Variants in ZNF428 observed in about 807,000 individuals in gnomAD.
ZNF428 encodes the protein zinc finger protein 428.
ZNF428 carries 5 observed loss-of-function variants against 15.6 expected under a neutral mutation model. That is an observed-to-expected ratio of 0.32 (90% CI 0.17 to 0.67). The LOEUF (loss-of-function observed/expected upper bound fraction) is 0.67, where lower values mean the gene tolerates loss of function less well. Among genes scored for constraint, ZNF428 ranks in the 30% least tolerant of loss-of-function variants. ZNF428 has a pLI of 0.73. For synonymous variants in ZNF428, 97 were observed against 102.2 expected, an observed-to-expected ratio of 0.95 and a Z score of 0.31; for missense variants, 237 against 256.0, an observed-to-expected ratio of 0.93 and a Z score of 0.51.
chr19:43,615,041 C>T lies in ZNF428; in HGVS notation c.-130-607G>A, dbSNP rs137974660. 3.1e-3 allele frequency among the ~76,000 whole-genome samples: 473 copies of T among 152,148 alleles called. 4 individuals are homozygous for T. Among genetic ancestry groups the T allele is most frequent in the African/African-American group, 0.01 (429 of 41,506 alleles). On this transcript the variant is annotated intron_variant, in intron 1 of 2. Coordinates refer to ENST00000300811, the MANE Select transcript of ZNF428 (RefSeq NM_182498.4). The stretch of plus-strand genomic sequence containing the variant: ...AATCAGAACTGAGAGTGGAGCGGGA[C>T]GGATACCAGGCCTTAACCCTTTAGT...
Position 43,607,536 on chromosome 19 carries a change from A to T in ZNF428, c.*81T>A. ...GACCGGCAGTACCCCATCCCCCATG[A>T]CCACTGTCACAACCCCAATTTCCTC... On this transcript the variant is annotated 3_prime_UTR_variant, in exon 3 of 3. Transcript: ENST00000300811. This position sits in a 1 kb window ranked among gnomAD's most constrained non-coding sequence, Gnocchi z 5.1. 6 of 1,462,410 alleles carry T rather than the reference A, an allele frequency of 4.1e-6. No homozygotes were observed. The highest frequency in any genetic ancestry group is 1.4e-5 in the African/African-American group (1 of 70,772). 90.6% of individuals were successfully genotyped at this position (1,462,410 alleles called of 1,614,324 possible).
Position 43,612,014 on chromosome 19 carries a change from T to C in ZNF428, c.76+2215A>G. On this transcript the variant is annotated intron_variant, in intron 2 of 2. Coordinates refer to ENST00000300811, the MANE Select transcript of ZNF428 (RefSeq NM_182498.4). This position sits in a 1 kb window ranked among gnomAD's most constrained non-coding sequence, Gnocchi z 4.2. ...CCTCCAGAGTCTTCAATGCCCACTA[T>C]TACTTCACACAGTTGGCCTGTGACA... 1 of 830,400 alleles carries C rather than the reference T, an allele frequency of 1.2e-6. No individual in the cohort carries two copies. Among genetic ancestry groups the C allele is most frequent in the South Asian group, 1.7e-5 (1 of 59,412 alleles). 51.4% of individuals were successfully genotyped at this position (830,400 alleles called of 1,614,324 possible).
rs1361377146 is a variant in ZNF428, at chr19:43,612,602, C to T, written c.76+1627G>A. On this transcript the variant is annotated intron_variant, in intron 2 of 2. Coordinates refer to ENST00000300811, the MANE Select transcript of ZNF428 (RefSeq NM_182498.4). This position sits in a 1 kb window ranked among gnomAD's most constrained non-coding sequence, Gnocchi z 4.2. Reference sequence around the variant, plus strand: ...AGGCATGGCCAGCAGGGTGAGAACTCCCACTTCACAGCAAAAAGGGAGCCG... The same window carrying T: ...AGGCATGGCCAGCAGGGTGAGAACTTCCACTTCACAGCAAAAAGGGAGCCG... 1 of 1,551,558 alleles carries T rather than the reference C, an allele frequency of 6.4e-7. No individual in the cohort carries two copies. The highest frequency in any genetic ancestry group is 2.0e-5 in the Admixed American group (1 of 50,992).
At position 43,614,390 on chromosome 19, in the gene ZNF428, G is replaced by T; in HGVS notation, c.-86C>A. On this transcript the variant is annotated 5_prime_UTR_variant, in exon 2 of 3. Coordinates refer to ENST00000300811, the MANE Select transcript of ZNF428 (RefSeq NM_182498.4). ...CCAGCTCTCCACAGCCACACCTCCG[G>T]CCACAAGTTCTCTAATACAGGATGT... 1.3e-6 allele frequency: 2 copies of T among 1,506,000 alleles called. No homozygotes were observed. The highest frequency in any genetic ancestry group is 2.7e-5 in the South Asian group (2 of 73,748). 93.3% of individuals were successfully genotyped at this position (1,506,000 alleles called of 1,614,324 possible). A position where few individuals can be genotyped will look rare whatever the true frequency, so the allele number is the denominator to read the frequency against.
rs754077219 is a variant in ZNF428 at position 43,607,708 on chromosome 19, CCCTCCTCCTCCTCTT to C, written c.461_475del (p.Glu154_Glu158del). 1.5e-5 allele frequency: 25 copies of C among 1,613,794 alleles called. No individual in the cohort carries two copies. Among genetic ancestry groups the C allele is most frequent in the African/African-American group, 2.7e-5 (2 of 74,920 alleles). On this transcript the variant is annotated inframe_deletion, in exon 3 of 3. Transcript: ENST00000300811. The surrounding 1 kb of genome is among the most constrained non-coding windows in gnomAD (Gnocchi z 5.1). ...CTCACATTCCGTACAGTGGTAGGTT[CCCTCCTCCTCCTCTT>C]CCTCCTCCTCCTCCCGCCCAGCTGG... is the stretch of plus-strand genomic sequence containing the variant.
chr19:43,617,963 G>A (rs1180752999), intron 1 of ZNF428, among the ~76,000 whole-genome samples: 1 of 150,732 alleles, frequency 6.6e-6, no homozygotes, highest in Non-Finnish European at 1.5e-5. Context: ...CTGGGTTCAA[G>A]CGATTATCCT....
chr19:43,611,865 A>G (rs1303423765), intron 2 of ZNF428, among the ~76,000 whole-genome samples: 1 of 152,194 alleles, frequency 6.6e-6, no homozygotes, highest in African/African-American at 2.4e-5. Flanking sequence ...GTCCCCAGCA[A>G]TGCTGGGCAT....
In ZNF428 at chr19:43,614,308, C is replaced by T. The variant is rs374830755; in HGVS notation, c.-4G>A. 3.7e-5 allele frequency: 59 copies of T among 1,601,388 alleles called. No homozygotes were observed. Among genetic ancestry groups the T allele is most frequent in the Non-Finnish European group, 4.6e-5 (54 of 1,173,454 alleles). On this transcript the variant is annotated 5_prime_UTR_variant, in exon 2 of 3. Transcript: ENST00000300811. ...CTGGCTCACGGGTCTCTGTCATGAC[C>T]GGGGGAGGGGACAGGAGACAGGAGC...
rs1973304205 is a variant in ZNF428, at chr19:43,612,153, G to A, written c.76+2076C>T. On this transcript the variant is annotated intron_variant, in intron 2 of 2. Coordinates refer to ENST00000300811, the MANE Select transcript of ZNF428 (RefSeq NM_182498.4). The surrounding 1 kb of genome is among the most constrained non-coding windows in gnomAD (Gnocchi z 4.2). ...TCACCTAAGAGATCTTCAAAGCCCA[G>A]TATGTCTCTGGCACCCAGTGGATCC... 3.2e-6 allele frequency: 5 copies of A among 1,551,690 alleles called. No individual in the cohort carries two copies. The East Asian group carries it at 1.2e-4, about 38-fold the overall frequency.
At chr19:43,615,151 C>T (rs774830019) in intron 1 of ZNF428, among the ~76,000 whole-genome samples, 5 of 152,122 alleles carry the variant, frequency 3.3e-5, no homozygotes, top group Non-Finnish European at 7.4e-5. Flanking sequence ...TACTCTCACA[C>T]TATCACAACA....
At chr19:43,615,680 T>C (rs764982608) in intron 1 of ZNF428, among the ~76,000 whole-genome samples, 7 of 152,126 alleles carry the variant, frequency 4.6e-5, no homozygotes, top group Non-Finnish European at 8.8e-5. Context: ...CACTCAAGCC[T>C]GGATGACCCA....
rs1254367102 is a variant in ZNF428 at position 43,613,098 on chromosome 19, T to C, written c.76+1131A>G. 16 of 1,551,324 alleles carry C rather than the reference T, an allele frequency of 1.0e-5. No homozygotes were observed. In the East Asian group the frequency reaches 3.2e-4, roughly 31 times the overall value. ...ACCCGGAAGGGAATTCTGAGCCAGA[T>C]GGGAAGACACAGCCAGTCTAGAAGC... On this transcript the variant is annotated intron_variant, in intron 2 of 2. Transcript: ENST00000300811.
At position 43,612,386 on chromosome 19, in the gene ZNF428, A is replaced by G; in HGVS notation, c.76+1843T>C. On this transcript the variant is annotated intron_variant, in intron 2 of 2. Transcript: ENST00000300811. The surrounding 1 kb of genome is among the most constrained non-coding windows in gnomAD (Gnocchi z 4.2). ...CAGGTCCCGAGTCCGCAGCAAAGCA[A>G]GAACACCCAGCAGGGTGAGCACCGA... 6.4e-7 allele frequency: 1 copy of G among 1,551,730 alleles called. No individual in the cohort carries two copies. Among genetic ancestry groups the G allele is most frequent in the Non-Finnish European group, 8.7e-7 (1 of 1,147,000 alleles).
At chr19:43,613,230 GC>G (rs1265647160) in intron 2 of ZNF428, 6 of 1,551,660 alleles carry the variant, frequency 3.9e-6, no homozygotes, top group Non-Finnish European at 5.2e-6. Flanking sequence ...CATTCCAGAA[GC>G]TCCAGCAAAG....
At chr19:43,611,221 G>A (rs1299541123) in intron 2 of ZNF428, among the ~76,000 whole-genome samples, 1 of 152,088 alleles carries the variant, frequency 6.6e-6, no homozygotes, top group East Asian at 1.9e-4. Context: ...CTTGGGGTCC[G>A]CAGCAGAGGA....
Position 43,607,936 on chromosome 19 carries a change from G to T in ZNF428, c.248C>A (p.Pro83His), listed in dbSNP as rs752919904. 3.8e-6 allele frequency: 6 copies of T among 1,579,058 alleles called. No homozygotes were observed. The highest frequency in any genetic ancestry group is 5.2e-6 in the Non-Finnish European group (6 of 1,162,662). Residue 83 changes from proline (P) to histidine (H), a missense_variant, in exon 3 of 3, where the codon CCC (proline) becomes CAC (histidine). Transcript: ENST00000300811. This position sits in a 1 kb window ranked among gnomAD's most constrained non-coding sequence, Gnocchi z 5.1. ...CTGGGCCGGGGGCTGGGCTGCACGG[G>T]GGGCCCGGCGGGATGGGCCACCACG... ...GGRGGPSRRA[P>H]RAAQPPAQPC...
At chr19:43,617,071 C>T (rs576245909) in intron 1 of ZNF428, among the ~76,000 whole-genome samples, 1 of 152,250 alleles carries the variant, frequency 6.6e-6, no homozygotes, top group Admixed American at 6.5e-5. Flanking sequence ...GCTGGGATTA[C>T]AGGCAAGAGC....
chr19:43,607,644 G>A lies in ZNF428; in HGVS notation c.540C>T (p.Phe180=). The A allele has an allele frequency of 6.2e-7, 1 of 1,600,290 alleles. No individual in the cohort carries two copies. Among genetic ancestry groups the A allele is most frequent in the Non-Finnish European group, 8.5e-7 (1 of 1,171,702 alleles). ...ACACCTCACCCCGGGCATGCAGCATGAAGTGCCCGTGCAGCTCCCCCAGGT... is the reference window on the plus strand; with the variant it reads ...ACACCTCACCCCGGGCATGCAGCATAAAGTGCCCGTGCAGCTCCCCCAGGT... ...FDNLGELHGH[F]MLHARGEV Residue 180 remains phenylalanine, a synonymous_variant, in exon 3 of 3, where the codon TTC becomes TTT. Coordinates refer to ENST00000300811, the MANE Select transcript of ZNF428 (RefSeq NM_182498.4). This position sits in a 1 kb window ranked among gnomAD's most constrained non-coding sequence, Gnocchi z 5.1.
chr19:43,615,820 G>A (rs565920069), intron 1 of ZNF428, among the ~76,000 whole-genome samples: 5 of 152,182 alleles, frequency 3.3e-5, no homozygotes, highest in Non-Finnish European at 7.3e-5. Context: ...CAAGGTATAA[G>A]GGAAGGGGCA....
Sources: allele counts gnomAD v4.1 joint callset (sites outside exome capture counted in the v4.1 genomes callset), GRCh38; gene constraint gnomAD v4.1.1; non-coding constraint Gnocchi (gnomAD v3.1); transcripts MANE v1.5; gene names NCBI Gene and HGNC (gene_info 2026-07-23, HGNC 2026-07-21).